The following MYLK variants were observed in gnomAD, a reference collection of about 807,000 sequenced individuals.
MYLK encodes myosin light chain kinase, also known as myosin light chain kinase, smooth muscle.
MYLK carries 106 observed loss-of-function variants against 203.4 expected under a neutral mutation model. The observed-to-expected ratio is 0.52, with a 90% CI of 0.45 to 0.61. The LOEUF (loss-of-function observed/expected upper bound fraction) is 0.61, where lower values mean the gene tolerates loss of function less well. Ranked by LOEUF, MYLK falls within the 20% of genes least tolerant of loss-of-function variation. The pLI is 0.00. For synonymous variants in MYLK, 867 were observed against 959.5 expected, an observed-to-expected ratio of 0.90 and a Z score of 1.78; for missense variants, 2,072 against 2,442.3, an observed-to-expected ratio of 0.85 and a Z score of 3.20.
intron 1 of MYLK, among the ~76,000 whole-genome samples, chr3:123,880,064 G>A (rs923148913): frequency 2.0e-5 from 3 of 152,064 alleles, no homozygotes; most frequent in African/African-American, 2.4e-5. Context: ...AACACTGCCC[G>A]GTATATATAA....
intron 3 of MYLK, among the ~76,000 whole-genome samples, chr3:123,817,253 AC>A (rs1420210430): frequency 6.6e-6 from 1 of 152,044 alleles, no homozygotes; most frequent in East Asian, 1.9e-4. Context: ...ACTCTTTAAA[AC>A]CCTTTGATGA....
chr3:123,787,469 C>T (rs2064578810), intron 4 of MYLK, among the ~76,000 whole-genome samples: 1 of 152,142 alleles, frequency 6.6e-6, no homozygotes, highest in Non-Finnish European at 1.5e-5. Context: ...AGACACTTCA[C>T]CACCGTGGTT....
chr3:123,664,192 C>A lies in MYLK; in HGVS notation c.3898G>T (p.Ala1300Ser). 6.2e-7 allele frequency: 1 copy of A among 1,614,154 alleles called. No individual in the cohort carries two copies. The highest frequency in any genetic ancestry group is 1.7e-5 in the Admixed American group (1 of 60,034). Reference sequence around the variant, plus strand: ...TAGCAGCCGCAGTGCTCCTGGCGCGCGGCCAGGATGGTGAGCTTGCTGCCA... The same window carrying A: ...TAGCAGCCGCAGTGCTCCTGGCGCGAGGCCAGGATGGTGAGCTTGCTGCCA... Reference protein sequence around the residue: ...ENGSKLTILAARQEHCGCYTL... With the variant: ...ENGSKLTILASRQEHCGCYTL... Residue 1300 changes from alanine to serine, a missense_variant, in exon 23 of 34, where the codon GCG becomes TCG. By Grantham distance (99) the Ala-to-Ser change is moderately conservative (BLOSUM62 1). This residue lies in a region of MYLK where 865 missense variants were observed against 1,016.0 expected (regional missense o/e 0.85). Transcript: ENST00000360304.
chr3:123,735,357 T>C lies in MYLK; in HGVS notation c.773+41A>G, dbSNP rs1384770113. The C allele has an allele frequency of 2.5e-6, 4 of 1,612,984 alleles. No homozygotes were observed. The Admixed American group carries it at 5.0e-5, about 20-fold the overall frequency. ...TCTCGGTAACATCCTTGCAGGGCAT[T>C]TCAAGAGGGAAAACGTAAAAGTCAC... is the stretch of plus-strand genomic sequence containing the variant. On this transcript the variant is annotated intron_variant, in intron 9 of 33. Coordinates refer to ENST00000360304, the MANE Select transcript of MYLK (RefSeq NM_053025.4).
At chr3:123,764,596 C>T (rs2063643201) in intron 4 of MYLK, among the ~76,000 whole-genome samples, 1 of 152,186 alleles carries the variant, frequency 6.6e-6, no homozygotes, top group Non-Finnish European at 1.5e-5. Context: ...GGCCCCTCTC[C>T]CTTTTGAGTA....
intron 11 of MYLK, among the ~76,000 whole-genome samples, chr3:123,727,936 G>T (rs2062346107): frequency 6.6e-6 from 1 of 152,146 alleles, no homozygotes; most frequent in Non-Finnish European, 1.5e-5. Flanking sequence ...AGAGAAGTAT[G>T]TAGGAGGAGC....
At chr3:123,712,880 A>G (rs1376239025) in intron 13 of MYLK, among the ~76,000 whole-genome samples, 2 of 152,252 alleles carry the variant, frequency 1.3e-5, no homozygotes, top group Non-Finnish European at 2.9e-5. Context: ...CTAGCATGAG[A>G]ACTGACTCAC....
intron 3 of MYLK, among the ~76,000 whole-genome samples, chr3:123,820,039 A>T (rs761710350): frequency 2.0e-5 from 3 of 152,154 alleles, no homozygotes; most frequent in African/African-American, 7.2e-5. Context: ...TGAAAGTTCT[A>T]CCAGCATCCT....
intron 10 of MYLK, 140 bp downstream of exon 10, chr3:123,733,547 T>G: frequency 9.9e-7 from 1 of 1,010,720 alleles, no homozygotes; most frequent in Non-Finnish European, 1.5e-6. Context: ...GGAAGGCCCT[T>G]GTAAGGTGGT....
intron 2 of MYLK, among the ~76,000 whole-genome samples, chr3:123,853,359 C>T (rs1008706238): frequency 5.3e-5 from 8 of 151,996 alleles, no homozygotes; most frequent in Admixed American, 3.9e-4. Flanking sequence ...AAAGGAAAGG[C>T]TTTTTAAGGG....
At chr3:123,838,757 A>G (rs1337128867) in intron 2 of MYLK, among the ~76,000 whole-genome samples, 1 of 152,180 alleles carries the variant, frequency 6.6e-6, no homozygotes, top group Non-Finnish European at 1.5e-5. Flanking sequence ...ACATTTTTAA[A>G]AAGAAGTATA....
chr3:123,696,890 G>A (rs1156352721), intron 18 of MYLK, among the ~76,000 whole-genome samples: 1 of 152,130 alleles, frequency 6.6e-6, no homozygotes, highest in African/African-American at 2.4e-5. Flanking sequence ...GATGAAACTG[G>A]GGCCATGTCA....
intron 4 of MYLK, among the ~76,000 whole-genome samples, chr3:123,782,060 T>C (rs932174084): frequency 6.6e-6 from 1 of 152,152 alleles, no homozygotes; most frequent in South Asian, 2.1e-4. Context: ...GAATTTCAGA[T>C]GTTGAAGCGT....
At chr3:123,653,323 C>G (rs1407672167) in intron 24 of MYLK, among the ~76,000 whole-genome samples, 3 of 152,136 alleles carry the variant, frequency 2.0e-5, no homozygotes, top group Non-Finnish European at 4.4e-5. Context: ...GCCTATGAAG[C>G]TTTATAACTA....
intron 3 of MYLK, among the ~76,000 whole-genome samples, chr3:123,796,338 CATTTGA>C (rs1421704319): frequency 5.9e-5 from 9 of 152,116 alleles, no homozygotes; most frequent in Non-Finnish European, 1.2e-4. Flanking sequence ...GCAGAACAGG[CATTTGA>C]ACCCAAGCAC....
chr3:123,762,662 G>A (rs763000674), intron 4 of MYLK, among the ~76,000 whole-genome samples: 6 of 152,176 alleles, frequency 3.9e-5, no homozygotes, highest in African/African-American at 1.2e-4. Context: ...TGTGGCTCAC[G>A]AGGGCAGAGC....
intron 23 of MYLK, among the ~76,000 whole-genome samples, chr3:123,662,395 G>A: frequency 6.6e-6 from 1 of 152,122 alleles, no homozygotes; most frequent in East Asian, 1.9e-4. Context: ...GATGAAGATA[G>A]GGGAGAAAAA....
intron 3 of MYLK, among the ~76,000 whole-genome samples, chr3:123,795,849 T>C (rs1295179236): frequency 1.3e-5 from 2 of 152,390 alleles, no homozygotes; most frequent in East Asian, 1.9e-4. Context: ...TTAAGTCCTA[T>C]GCTGTGAGTC....
chr3:123,754,012 T>C (rs1163489327), intron 4 of MYLK, among the ~76,000 whole-genome samples: 5 of 152,226 alleles, frequency 3.3e-5, no homozygotes, highest in Admixed American at 3.3e-4. Context: ...AGAGTGATGC[T>C]ATATTGGCGC....
Sources: allele counts gnomAD v4.1 joint callset (sites outside exome capture counted in the v4.1 genomes callset), GRCh38; gene constraint gnomAD v4.1.1; regional missense constraint gnomAD v4.1.1; transcripts MANE v1.5; gene names NCBI Gene and HGNC (gene_info 2026-07-23, HGNC 2026-07-21).